Variants in GALNTL6 observed in about 807,000 individuals in gnomAD.
The protein encoded by GALNTL6 is polypeptide N-acetylgalactosaminyltransferase like 6.
Under a neutral mutation model 73.7 loss-of-function variants are expected in GALNTL6, and 46 were observed. The ratio of observed to expected loss-of-function variants is 0.62; its 90% CI spans 0.49 to 0.80. The LOEUF is 0.80. GALNTL6 is among the 30% of genes least tolerant of loss of function. The probability of loss-of-function intolerance (pLI) is 0.00; values close to 1 mark genes in which losing one functional copy is unlikely to be tolerated. For synonymous variants in GALNTL6, 259 were observed against 263.7 expected (o/e 0.98, Z 0.17); for missense variants, 604 against 755.0 (o/e 0.80, Z 2.34).
intron 5 of GALNTL6, among the ~76,000 whole-genome samples, chr4:172,382,840 A>C (rs893476099): frequency 1.3e-5 from 2 of 151,990 alleles, no homozygotes; most frequent in African/African-American, 2.4e-5. Flanking sequence ...ATTCTTTTCA[A>C]CCCATAATTG....
intron 2 of GALNTL6, among the ~76,000 whole-genome samples, chr4:172,147,693 G>A (rs1324189940): frequency 6.6e-6 from 1 of 152,106 alleles, no homozygotes; most frequent in Admixed American, 6.6e-5. Flanking sequence ...AAATAGAATA[G>A]ACAGTAAAAA....
chr4:171,817,982 T>A (rs1262338541), intron 2 of GALNTL6, among the ~76,000 whole-genome samples: 1 of 151,606 alleles, frequency 6.6e-6, no homozygotes, highest in East Asian at 1.9e-4. Context: ...TTGTCTTTTT[T>A]TGTTATTGGG....
intron 2 of GALNTL6, among the ~76,000 whole-genome samples, chr4:172,193,901 C>A (rs1579237994): frequency 1.3e-5 from 2 of 151,948 alleles, no homozygotes; most frequent in South Asian, 4.2e-4. Flanking sequence ...CAAAAAAATG[C>A]CAAAAACTCA....
intron 5 of GALNTL6, among the ~76,000 whole-genome samples, chr4:172,703,589 G>T (rs189203983): frequency 3.0e-4 from 46 of 152,030 alleles, no homozygotes; most frequent in African/African-American, 1.0e-3. Flanking sequence ...GTTTTATTCA[G>T]TTTTCCAGCA....
At chr4:172,207,065 C>A (rs1350830423) in intron 2 of GALNTL6, among the ~76,000 whole-genome samples, 1 of 151,678 alleles carries the variant, frequency 6.6e-6, no homozygotes, top group Non-Finnish European at 1.5e-5. Flanking sequence ...GATCCGCCCC[C>A]CTTGGCCTCC....
At chr4:172,503,597 C>T (rs1213704547) in intron 5 of GALNTL6, among the ~76,000 whole-genome samples, 2 of 145,460 alleles carry the variant, frequency 1.4e-5, no homozygotes, top group African/African-American at 5.2e-5. Context: ...GGCACTTCAT[C>T]TAACAATTTA....
chr4:171,979,482 G>A (rs904649243), intron 2 of GALNTL6, among the ~76,000 whole-genome samples: 2 of 152,176 alleles, frequency 1.3e-5, no homozygotes, highest in Admixed American at 6.5e-5. Context: ...GATTGAAATT[G>A]GTTCCTACTT....
intron 2 of GALNTL6, among the ~76,000 whole-genome samples, chr4:171,921,644 T>A (rs1255134499): frequency 6.6e-6 from 1 of 152,108 alleles, no homozygotes; most frequent in Non-Finnish European, 1.5e-5. Flanking sequence ...AATTCGTCAA[T>A]TGATTGTCAA....
intron 2 of GALNTL6, among the ~76,000 whole-genome samples, chr4:172,084,696 G>T (rs969839552): frequency 5.3e-5 from 8 of 152,120 alleles, no homozygotes; most frequent in African/African-American, 1.9e-4. Context: ...CCCACTGAAT[G>T]TATTAAACTG....
chr4:171,825,052 T>G (rs2110811975), intron 2 of GALNTL6, among the ~76,000 whole-genome samples: 1 of 152,304 alleles, frequency 6.6e-6, no homozygotes, highest in Non-Finnish European at 1.5e-5. Context: ...TACATGGTGT[T>G]AATTTCTGAA....
In GALNTL6 at chr4:172,824,250, G is replaced by A. The variant is rs141040413; in HGVS notation, c.923+10527G>A. Among the ~76,000 whole-genome samples, 876 of 152,222 alleles carry A rather than the reference G, an allele frequency of 5.8e-3. 8 individuals are homozygous for A. Among genetic ancestry groups the A allele is most frequent in the African/African-American group, 0.02 (833 of 41,518 alleles). ...ATCTGTGTCCAGGGGTCAGCGAGCA[G>A]TCTCTAGTCCTGAATTACTCTCTAG... On this transcript the variant is annotated intron_variant, in intron 7 of 12. Coordinates refer to ENST00000506823, the MANE Select transcript of GALNTL6 (RefSeq NM_001034845.3).
At chr4:172,977,528 A>G (rs1750871056) in intron 10 of GALNTL6, among the ~76,000 whole-genome samples, 1 of 152,244 alleles carries the variant, frequency 6.6e-6, no homozygotes, top group Admixed American at 6.5e-5. Flanking sequence ...ATGGAGACAC[A>G]CAGCAAAGAA....
At chr4:172,960,741 A>G (rs1410501330) in intron 10 of GALNTL6, among the ~76,000 whole-genome samples, 1 of 152,170 alleles carries the variant, frequency 6.6e-6, no homozygotes, top group Non-Finnish European at 1.5e-5. Context: ...GCTATTTGGA[A>G]TGACTGTCGA....
At chr4:172,219,789 G>A (rs1283133383) in intron 2 of GALNTL6, among the ~76,000 whole-genome samples, 1 of 151,722 alleles carries the variant, frequency 6.6e-6, no homozygotes, top group East Asian at 1.9e-4. Flanking sequence ...TTCTTCCTCC[G>A]AACACTGTAG....
At chr4:172,200,338 C>A (rs1474979588) in intron 2 of GALNTL6, among the ~76,000 whole-genome samples, 2 of 152,118 alleles carry the variant, frequency 1.3e-5, no homozygotes, top group Non-Finnish European at 2.9e-5. Context: ...CTGCTCATGG[C>A]TAGACATTGA....
chr4:171,814,514 G>C lies in GALNTL6; in HGVS notation c.-67G>C. The C allele has an allele frequency of 6.4e-7, 1 of 1,558,900 alleles. No homozygotes were observed. Among genetic ancestry groups the C allele is most frequent in the Non-Finnish European group, 8.8e-7 (1 of 1,137,692 alleles). On this transcript the variant is annotated 5_prime_UTR_variant, in exon 2 of 13. Transcript: ENST00000506823. ...TTCGCAGGGGAGAGGAAAGGAATTT[G>C]ACATTAAACACAAGAAGCAGTCAGG...
At chr4:172,422,171 G>A (rs1411345268) in intron 5 of GALNTL6, among the ~76,000 whole-genome samples, 1 of 152,036 alleles carries the variant, frequency 6.6e-6, no homozygotes, top group African/African-American at 2.4e-5. Flanking sequence ...TTCCTTTGAT[G>A]TTTTGCAGCA....
intron 3 of GALNTL6, among the ~76,000 whole-genome samples, chr4:172,246,468 T>G (rs1400712606): frequency 6.6e-6 from 1 of 152,156 alleles, no homozygotes; most frequent in African/African-American, 2.4e-5. Context: ...ATTATTGGAT[T>G]GATATTTAAT....
intron 4 of GALNTL6, among the ~76,000 whole-genome samples, chr4:172,339,107 G>A (rs925213604): frequency 7.2e-5 from 11 of 152,248 alleles, no homozygotes; most frequent in East Asian, 1.9e-4. Context: ...TGGTCTCTGC[G>A]TAAGAACGAT....
Sources: allele counts gnomAD v4.1 joint callset (sites outside exome capture counted in the v4.1 genomes callset), GRCh38; gene constraint gnomAD v4.1.1; transcripts MANE v1.5; gene names NCBI Gene and HGNC (gene_info 2026-07-23, HGNC 2026-07-21).